The following CCNY variants were observed in gnomAD, a reference collection of about 807,000 sequenced individuals.
CCNY encodes the protein cyclin Y.
Under a neutral mutation model 42.8 loss-of-function variants are expected in CCNY, and 19 were observed. The ratio of observed to expected loss-of-function variants is 0.44; its 90% CI spans 0.31 to 0.65. The LOEUF is 0.65. CCNY is among the 30% of genes least tolerant of loss of function. The pLI is 0.07. For missense variants in CCNY, 370 were observed against 437.3 expected (o/e 0.85, Z 1.37); for synonymous variants, 165 against 162.7 (o/e 1.01, Z -0.11).
At chr10:35,251,102 A>C (rs2135020538) in intron 3 of CCNY, 1 of 152,302 alleles carries the variant, frequency 6.6e-6, no homozygotes, top group South Asian at 2.1e-4. Flanking sequence ...GTTGTGACTT[A>C]AGACTATTTT....
chr10:35,339,484 A>G (rs115252269), intron 1 of CCNY, among the ~76,000 whole-genome samples: 25 of 152,332 alleles, frequency 1.6e-4, no homozygotes, highest in African/African-American at 6.0e-4. Context: ...ATCTGTATGT[A>G]TTTGAACTGA....
chr10:35,520,714 G>A (rs748004850), intron 4 of CCNY, among the ~76,000 whole-genome samples: 65 of 152,196 alleles, frequency 4.3e-4, no homozygotes, highest in Non-Finnish European at 8.1e-4. Context: ...TAAAAAAGTT[G>A]GGTACTCATT....
chr10:35,378,360 G>C (rs761442345), intron 1 of CCNY, among the ~76,000 whole-genome samples: 1 of 152,174 alleles, frequency 6.6e-6, no homozygotes, highest in African/African-American at 2.4e-5. Context: ...TGTGTGATGA[G>C]AGCCTGTGTC....
intron 1 of CCNY, among the ~76,000 whole-genome samples, chr10:35,357,806 G>C (rs1836590823): frequency 6.6e-6 from 1 of 152,058 alleles, no homozygotes; most frequent in South Asian, 2.1e-4. Context: ...CGGTTTTTTA[G>C]GTCCTTCTGT....
At chr10:35,407,384 G>T (rs1223955477) in intron 1 of CCNY, among the ~76,000 whole-genome samples, 1 of 152,034 alleles carries the variant, frequency 6.6e-6, no homozygotes, top group African/African-American at 2.4e-5. Flanking sequence ...ACTCAGAGAC[G>T]CTTGGGGTTA....
chr10:35,297,761 T>A (rs1835488724), intron 3 of CCNY, among the ~76,000 whole-genome samples: 1 of 151,092 alleles, frequency 6.6e-6, no homozygotes, highest in Non-Finnish European at 1.5e-5. Context: ...AAGAAAAAAA[T>A]ACCTAAGAAT....
At position 35,549,158 on chromosome 10, in the gene CCNY, G is replaced by C. The variant is rs964935050; in HGVS notation, c.580-3861G>C. 6.5e-4 allele frequency among the ~76,000 whole-genome samples: 83 copies of C among 128,182 alleles called. 1 individual carries two copies. The highest frequency in any genetic ancestry group is 2.5e-3 in the African/African-American group (82 of 33,466). 84.1% of individuals were successfully genotyped at this position (128,182 alleles called of 152,430 possible). A position where few individuals can be genotyped will look rare whatever the true frequency, so the allele number is the denominator to read the frequency against. ...CCTTCTCTCGAAGAGGCAGAGAAGAGTCTGACCTGCCCCTCCCCACCTCAC... is the reference window on the plus strand; with the variant it reads ...CCTTCTCTCGAAGAGGCAGAGAAGACTCTGACCTGCCCCTCCCCACCTCAC... On this transcript the variant is annotated intron_variant, in intron 7 of 9. Transcript: ENST00000374704.
chr10:35,489,557 A>G (rs1839857572), intron 2 of CCNY, among the ~76,000 whole-genome samples: 1 of 152,270 alleles, frequency 6.6e-6, no homozygotes, highest in African/African-American at 2.4e-5. Flanking sequence ...CACCCAGCCA[A>G]GCCTTTGTTT....
At chr10:35,404,563 G>T (rs1188427829) in intron 1 of CCNY, among the ~76,000 whole-genome samples, 1 of 152,112 alleles carries the variant, frequency 6.6e-6, no homozygotes, top group Non-Finnish European at 1.5e-5. Context: ...AAGGTAATGT[G>T]GAGTGAGTAG....
At chr10:35,403,305 A>T (rs1054211364) in intron 1 of CCNY, among the ~76,000 whole-genome samples, 1 of 152,170 alleles carries the variant, frequency 6.6e-6, no homozygotes, top group South Asian at 2.1e-4. Context: ...GACAGAAAAG[A>T]ATGGGCTTGT....
intron 1 of CCNY, among the ~76,000 whole-genome samples, chr10:35,376,733 T>C (rs952753162): frequency 6.6e-6 from 1 of 152,208 alleles, no homozygotes; most frequent in African/African-American, 2.4e-5. Context: ...AGGGAAGTAA[T>C]GATACCTGAT....
chr10:35,446,404 T>TC (rs1838791768), intron 1 of CCNY, among the ~76,000 whole-genome samples: 1 of 152,214 alleles, frequency 6.6e-6, no homozygotes, highest in Admixed American at 6.5e-5. Flanking sequence ...GAGTTTTTTT[T>TC]CCCCACTAAA....
chr10:35,308,245 C>G (rs566153958), intron 3 of CCNY, among the ~76,000 whole-genome samples: 8 of 151,924 alleles, frequency 5.3e-5, no homozygotes, highest in African/African-American at 1.9e-4. Flanking sequence ...TGGCAGAGCA[C>G]GCAAAAGAGG....
At position 35,451,668 on chromosome 10, in the gene CCNY, C is replaced by G. The variant is rs1020169166; in HGVS notation, c.155-31736C>G. On this transcript the variant is annotated intron_variant, in intron 1 of 9. Transcript: ENST00000374704. ...CAGGCGGGTTGAGAATGGACACCCACAAGCCCAGGAGCCTCCTGAGGCCAG... is the reference window on the plus strand; with the variant it reads ...CAGGCGGGTTGAGAATGGACACCCAGAAGCCCAGGAGCCTCCTGAGGCCAG... Among the ~76,000 whole-genome samples, 12 of 152,234 alleles carry G rather than the reference C, an allele frequency of 7.9e-5. 1 individual carries two copies. The highest frequency in any genetic ancestry group is 1.6e-4 in the Non-Finnish European group (11 of 68,046).
chr10:35,358,003 T>C (rs182002843), intron 1 of CCNY, among the ~76,000 whole-genome samples: 123 of 152,294 alleles, frequency 8.1e-4, no homozygotes, highest in African/African-American at 2.6e-3. Flanking sequence ...AGCTGTGTTC[T>C]TTTGCTATGT....
chr10:35,542,266 G>T (rs898059838), intron 7 of CCNY, among the ~76,000 whole-genome samples: 1 of 151,186 alleles, frequency 6.6e-6, no homozygotes, highest in Non-Finnish European at 1.5e-5. Flanking sequence ...TGACGTTTTT[G>T]TCATGATTAG....
rs559087474 is a variant in CCNY at position 35,569,557 on chromosome 10, A to G, written c.*387A>G. On this transcript the variant is annotated 3_prime_UTR_variant, in exon 10 of 10. Coordinates refer to ENST00000374704, the MANE Select transcript of CCNY (RefSeq NM_145012.6). Reference sequence around the variant, plus strand: ...GGTGGATGCAGAGCTGGCTGCACCCAGGGCTGGGCCAGTGTGTCCTGTAAG... The same window carrying G: ...GGTGGATGCAGAGCTGGCTGCACCCGGGGCTGGGCCAGTGTGTCCTGTAAG... 2.8e-5 allele frequency: 7 copies of G among 246,548 alleles called. No homozygotes were observed. The East Asian group carries it at 6.4e-4, about 23-fold the overall frequency. 15.3% of individuals were successfully genotyped at this position (246,548 alleles called of 1,614,324 possible).
chr10:35,560,145 A>G (rs149006190), intron 8 of CCNY, among the ~76,000 whole-genome samples: 133 of 152,248 alleles, frequency 8.7e-4, no homozygotes, highest in African/African-American at 3.0e-3. Flanking sequence ...CCTGATTCAG[A>G]TGAGATTTAG....
chr10:35,503,447 G>C (rs1161749727), intron 3 of CCNY, among the ~76,000 whole-genome samples: 1 of 152,148 alleles, frequency 6.6e-6, no homozygotes, highest in African/African-American at 2.4e-5. Context: ...CATCAGTCCT[G>C]CCACGCTAGG....
Sources: gnomAD v4.1 joint callset for allele counts (sites outside exome capture counted in the v4.1 genomes callset) on GRCh38, gnomAD v4.1.1 for gene constraint, MANE v1.5 for transcripts, NCBI Gene and HGNC (gene_info 2026-07-23, HGNC 2026-07-21) for gene names.